PLCL1: variants seen among roughly 807,000 people sequenced by gnomAD.
PLCL1 encodes the protein inactive phospholipase C-like protein 1.
Under a neutral mutation model 84.4 loss-of-function variants are expected in PLCL1, and 41 were observed. The observed-to-expected ratio is 0.49, with a 90% confidence interval of 0.38 to 0.63. The LOEUF is 0.63. Among genes scored for constraint, PLCL1 ranks in the 30% least tolerant of loss-of-function variants. PLCL1 has a pLI of 0.00. For missense variants in PLCL1, 1,206 were observed against 1,367.8 expected (o/e 0.88, Z 1.87); for synonymous variants, 490 against 488.3 (o/e 1.00, Z -0.05).
At chr2:198,000,562 G>A (rs1690575871) in intron 1 of PLCL1, among the ~76,000 whole-genome samples, 1 of 151,954 alleles carries the variant, frequency 6.6e-6, no homozygotes. Flanking sequence ...TTCATTTTTG[G>A]GGTCTTCTGT....
At chr2:197,836,446 C>CAAAA (rs35510400) in intron 1 of PLCL1, among the ~76,000 whole-genome samples, 396 of 34,446 alleles carry the variant, frequency 0.011, 31 homozygotes, top group African/African-American at 0.025. Flanking sequence ...GACTCCGTCT[C>CAAAA]AAAAAAAAAA....
intron 1 of PLCL1, among the ~76,000 whole-genome samples, chr2:197,864,383 A>AT (rs1687490332): frequency 7.1e-6 from 1 of 141,692 alleles, no homozygotes; most frequent in Non-Finnish European, 1.6e-5. Flanking sequence ...TGTTTCATTT[A>AT]TTTTTTAAGG....
chr2:198,134,582 G>T (rs181238982), intron 5 of PLCL1, among the ~76,000 whole-genome samples: 1 of 152,096 alleles, frequency 6.6e-6, no homozygotes, highest in Non-Finnish European at 1.5e-5. Context: ...TGGGCCAGCC[G>T]TACACATGCC....
chr2:198,097,139 G>T (rs967859628), intron 3 of PLCL1, among the ~76,000 whole-genome samples: 1 of 152,122 alleles, frequency 6.6e-6, no homozygotes. Context: ...CCTAAAAAAA[G>T]AACTGTCTGC....
At chr2:197,851,925 T>C (rs1194746932) in intron 1 of PLCL1, among the ~76,000 whole-genome samples, 2 of 152,214 alleles carry the variant, frequency 1.3e-5, no homozygotes, top group Admixed American at 6.5e-5. Context: ...ACAAGATAGA[T>C]GGCTCATGGC....
chr2:197,865,058 A>G (rs895886110), intron 1 of PLCL1, among the ~76,000 whole-genome samples: 3 of 152,168 alleles, frequency 2.0e-5, no homozygotes, highest in African/African-American at 7.2e-5. Context: ...GCCCAATTAG[A>G]GTGTGAATCA....
At chr2:198,081,262 G>A (rs1574296520) in intron 1 of PLCL1, among the ~76,000 whole-genome samples, 1 of 152,178 alleles carries the variant, frequency 6.6e-6, no homozygotes, top group Non-Finnish European at 1.5e-5. Context: ...CATTTTTAAT[G>A]TGAAAGCTCT....
intron 1 of PLCL1, among the ~76,000 whole-genome samples, chr2:197,970,716 T>C (rs1689846277): frequency 6.6e-6 from 1 of 152,244 alleles, no homozygotes; most frequent in Non-Finnish European, 1.5e-5. Context: ...ACAAGCTTAT[T>C]GAAGACAAGA....
chr2:197,937,856 AT>A (rs1051917975), intron 1 of PLCL1, among the ~76,000 whole-genome samples: 2 of 151,976 alleles, frequency 1.3e-5, no homozygotes, highest in Admixed American at 6.6e-5. Flanking sequence ...AGGATCAAGG[AT>A]TTTTTTTCCA....
chr2:197,955,749 C>T (rs187026915), intron 1 of PLCL1, among the ~76,000 whole-genome samples: 6 of 151,482 alleles, frequency 4.0e-5, no homozygotes, highest in South Asian at 2.1e-4. Flanking sequence ...TAGTATTCCA[C>T]GGTATATATG....
chr2:197,864,558 G>T (rs1274714787), intron 1 of PLCL1, among the ~76,000 whole-genome samples: 6 of 149,576 alleles, frequency 4.0e-5, no homozygotes, highest in Non-Finnish European at 5.9e-5. Flanking sequence ...ACAGCTCACT[G>T]TACCCTCGAT....
intron 1 of PLCL1, among the ~76,000 whole-genome samples, chr2:197,849,971 G>A (rs1196829996): frequency 6.6e-6 from 1 of 150,448 alleles, no homozygotes; most frequent in Non-Finnish European, 1.5e-5. Context: ...TTTAACACAA[G>A]TTTTCAGTGA....
At chr2:197,824,496 T>G (rs1439469173) in intron 1 of PLCL1, among the ~76,000 whole-genome samples, 1 of 151,948 alleles carries the variant, frequency 6.6e-6, no homozygotes, top group Non-Finnish European at 1.5e-5. Context: ...GGAGCATCAC[T>G]TTAGCCCAGG....
At chr2:198,101,028 G>A (rs997886613) in intron 3 of PLCL1, among the ~76,000 whole-genome samples, 2 of 151,946 alleles carry the variant, frequency 1.3e-5, no homozygotes, top group African/African-American at 2.4e-5. Context: ...ACATTTATTT[G>A]ACAGCTACTT....
intron 1 of PLCL1, among the ~76,000 whole-genome samples, chr2:198,049,376 C>T (rs970723591): frequency 1.3e-5 from 2 of 152,116 alleles, no homozygotes; most frequent in African/African-American, 4.8e-5. Context: ...AATAAAATTG[C>T]CTCCTGATTT....
chr2:198,018,170 C>G (rs934987519), intron 1 of PLCL1, among the ~76,000 whole-genome samples: 2 of 152,144 alleles, frequency 1.3e-5, no homozygotes, highest in African/African-American at 4.8e-5. Flanking sequence ...CCAAGAGGGA[C>G]CCTGCCATGA....
intron 1 of PLCL1, among the ~76,000 whole-genome samples, chr2:197,923,211 C>G (rs1688750486): frequency 1.5e-5 from 2 of 132,922 alleles, no homozygotes; most frequent in African/African-American, 5.6e-5. Context: ...GGGGGGCTGA[C>G]CCCCCACCTC....
intron 1 of PLCL1, among the ~76,000 whole-genome samples, chr2:197,956,607 G>A (rs1417191340): frequency 6.6e-6 from 1 of 151,928 alleles, no homozygotes; most frequent in Non-Finnish European, 1.5e-5. Context: ...TTTAATAATC[G>A]CCATTCTGAC....
chr2:198,082,160 C>T (rs567106485), intron 1 of PLCL1, among the ~76,000 whole-genome samples: 17 of 152,138 alleles, frequency 1.1e-4, no homozygotes, highest in Non-Finnish European at 1.9e-4. Context: ...AGAACAGTCA[C>T]GCACATTTTC....
Sources: allele counts gnomAD v4.1 joint callset (sites outside exome capture counted in the v4.1 genomes callset), GRCh38; gene constraint gnomAD v4.1.1; transcripts MANE v1.5; gene names NCBI Gene and HGNC (gene_info 2026-07-23, HGNC 2026-07-21).